The following TMTC1 variants were observed in gnomAD, a reference collection of about 807,000 sequenced individuals.
TMTC1 encodes the protein transmembrane O-mannosyltransferase targeting cadherins 1.
Under a neutral mutation model 104.8 loss-of-function variants are expected in TMTC1, and 73 were observed. That is an observed-to-expected ratio of 0.70 (90% CI 0.58 to 0.85). The LOEUF is 0.85. TMTC1 is among the 40% of genes least tolerant of loss of function. TMTC1 has a pLI of 0.00. For synonymous variants in TMTC1, 434 were observed against 428.7 expected (o/e 1.01, Z -0.15); for missense variants, 1,035 against 1,096.1 (o/e 0.94, Z 0.79).
chr12:29,728,039 C>T (rs1301515805), intron 5 of TMTC1, among the ~76,000 whole-genome samples: 1 of 152,184 alleles, frequency 6.6e-6, no homozygotes, highest in Non-Finnish European at 1.5e-5. Context: ...GCAGTAGAAA[C>T]CCCTTTCGAA....
intron 5 of TMTC1, among the ~76,000 whole-genome samples, chr12:29,721,873 A>G (rs1187599261): frequency 6.6e-6 from 1 of 152,016 alleles, no homozygotes; most frequent in Non-Finnish European, 1.5e-5. Context: ...AATAATGATA[A>G]GCTTATTTCA....
intron 5 of TMTC1, among the ~76,000 whole-genome samples, chr12:29,651,828 A>G (rs2136602889): frequency 6.6e-6 from 1 of 152,226 alleles, no homozygotes; most frequent in South Asian, 2.1e-4. Flanking sequence ...ATTTGGACAA[A>G]GGAGGAACAG....
chr12:29,661,396 C>T (rs1156432169), intron 5 of TMTC1: 1 of 898,810 alleles, frequency 1.1e-6, no homozygotes, highest in Non-Finnish European at 1.3e-6. Flanking sequence ...ATAGAAGATG[C>T]CAAGGTTGTA....
upstream of TMTC1, chr12:29,784,598 C>T (rs950412327): frequency 6.6e-6 from 1 of 152,294 alleles, no homozygotes; most frequent in Non-Finnish European, 1.5e-5. Flanking sequence ...GCGCCACCGG[C>T]TCTTTAACTT....
chr12:29,663,630 C>A (rs1446431180), intron 5 of TMTC1, among the ~76,000 whole-genome samples: 1 of 151,690 alleles, frequency 6.6e-6, no homozygotes, highest in Non-Finnish European at 1.5e-5. Flanking sequence ...TATTCTCCTG[C>A]CTCATCCTCA....
chr12:29,553,194 G>A (rs941607988), intron 10 of TMTC1, among the ~76,000 whole-genome samples: 1 of 152,218 alleles, frequency 6.6e-6, no homozygotes, highest in African/African-American at 2.4e-5. Flanking sequence ...AGGAAAAGGA[G>A]TTCAAGGGTA....
chr12:29,576,719 G>T (rs1213881027), intron 8 of TMTC1, among the ~76,000 whole-genome samples: 4 of 152,018 alleles, frequency 2.6e-5, no homozygotes, highest in Non-Finnish European at 4.4e-5. Context: ...CAAAAAGAGG[G>T]CTATAGCTAA....
At chr12:29,710,924 TAA>T (rs571381196) in intron 5 of TMTC1, among the ~76,000 whole-genome samples, 35 of 20,926 alleles carry the variant, frequency 1.7e-3, no homozygotes, top group South Asian at 0.013. Flanking sequence ...TAAATATATA[TAA>T]ATATATTAAT....
chr12:29,728,193 T>C (rs1319846702), intron 5 of TMTC1, among the ~76,000 whole-genome samples: 2 of 151,784 alleles, frequency 1.3e-5, no homozygotes, highest in East Asian at 3.9e-4. Flanking sequence ...TGACAGGGAG[T>C]GAGGATCCAT....
Position 29,516,283 on chromosome 12 carries a change from A to G in TMTC1, c.2307+66T>C, listed in dbSNP as rs1943983353. The G allele has an allele frequency of 2.6e-6, 4 of 1,534,164 alleles. No homozygotes were observed. In the South Asian group the frequency reaches 5.0e-5, roughly 19 times the overall value. On this transcript the variant is annotated intron_variant, in intron 15 of 17. Transcript: ENST00000539277. ...GGCTTATAAACACGCAAACTGGAGA[A>G]TCACTTAGGTGCACCCCATGTTTAA...
At chr12:29,659,121 C>T (rs1343579536) in intron 5 of TMTC1, among the ~76,000 whole-genome samples, 3 of 152,198 alleles carry the variant, frequency 2.0e-5, no homozygotes, top group African/African-American at 7.2e-5. Flanking sequence ...CTTATTTTAT[C>T]TTACAAATGG....
In TMTC1 at chr12:29,518,489, A is replaced by G; in HGVS notation, c.2007T>C (p.Ala669=). 7 of 1,613,678 alleles carry G rather than the reference A, an allele frequency of 4.3e-6. No homozygotes were observed. The highest frequency in any genetic ancestry group is 5.9e-6 in the Non-Finnish European group (7 of 1,179,672). Residue 669 remains alanine, a synonymous_variant, in exon 13 of 18, where the codon GCT becomes GCC. Transcript: ENST00000539277. The part of the protein sequence containing the change: ...LYRSLGENSM[A]EEWYKRALQV... ...AACTTTACCGCTTGTACCATTCTTCAGCCATGCTGTTCTCTCCCAGTGACC... is the reference window on the plus strand; with the variant it reads ...AACTTTACCGCTTGTACCATTCTTCGGCCATGCTGTTCTCTCCCAGTGACC...
At chr12:29,679,216 T>C (rs138303282) in intron 5 of TMTC1, among the ~76,000 whole-genome samples, 2 of 152,270 alleles carry the variant, frequency 1.3e-5, no homozygotes, top group African/African-American at 4.8e-5. Context: ...TCAATATTCA[T>C]CCAGTTGCTA....
intron 5 of TMTC1, among the ~76,000 whole-genome samples, chr12:29,633,937 C>T (rs1317806222): frequency 1.3e-5 from 2 of 152,104 alleles, no homozygotes; most frequent in Non-Finnish European, 2.9e-5. Flanking sequence ...AGTTGTTCCC[C>T]TCACTTTGGG....
chr12:29,737,509 C>T (rs1372636540), intron 5 of TMTC1, among the ~76,000 whole-genome samples: 3 of 151,406 alleles, frequency 2.0e-5, no homozygotes, highest in African/African-American at 7.3e-5. Flanking sequence ...AGTGAAACTC[C>T]GTCAAAAAAA....
chr12:29,519,934 A>G (rs1231731621), intron 12 of TMTC1: 1 of 152,218 alleles, frequency 6.6e-6, no homozygotes, highest in African/African-American at 2.4e-5. Context: ...AAACTAATTA[A>G]ACTAAATTTT....
At position 29,504,047 on chromosome 12, in the gene TMTC1, G is replaced by C. The variant is rs1943648805; in HGVS notation, c.*2799C>G. ...TACAGTGAGCCATGTTTGTGCCACT[G>C]AACTCCATCCTGGGTGACAAAAAGA... is the stretch of plus-strand genomic sequence containing the variant. On this transcript the variant is annotated 3_prime_UTR_variant, in exon 18 of 18. Transcript: ENST00000539277. 6.6e-6 allele frequency: 1 copy of C among 152,042 alleles called. No homozygotes were observed. The highest frequency in any genetic ancestry group is 2.4e-5 in the African/African-American group (1 of 41,356). The allele number at this position is 152,042 out of a possible 1,614,324, so 9.4% of individuals were successfully genotyped here.
chr12:29,550,816 G>C (rs531198593), intron 10 of TMTC1, among the ~76,000 whole-genome samples: 3 of 151,870 alleles, frequency 2.0e-5, no homozygotes, highest in Non-Finnish European at 4.4e-5. Flanking sequence ...GAAGGTACAA[G>C]AAGTTGTGAA....
At chr12:29,705,307 A>G (rs1487268038) in intron 5 of TMTC1, among the ~76,000 whole-genome samples, 1 of 152,172 alleles carries the variant, frequency 6.6e-6, no homozygotes, top group Non-Finnish European at 1.5e-5. Flanking sequence ...AGAATATGCT[A>G]CTCCAAAATA....
Sources: gnomAD v4.1 joint callset for allele counts (sites outside exome capture counted in the v4.1 genomes callset) on GRCh38, gnomAD v4.1.1 for gene constraint, MANE v1.5 for transcripts, NCBI Gene and HGNC (gene_info 2026-07-23, HGNC 2026-07-21) for gene names.